VPS13C: variants seen among roughly 807,000 people sequenced by gnomAD.
VPS13C encodes vacuolar protein sorting 13 homolog C.
VPS13C carries 358 observed loss-of-function variants against 456.8 expected under a neutral mutation model. The ratio of observed to expected loss-of-function variants is 0.78; its 90% CI spans 0.72 to 0.86. The LOEUF is 0.86. VPS13C is among the 40% of genes least tolerant of loss of function. VPS13C has a pLI of 0.00. For missense variants in VPS13C, 4,818 were observed against 4,385.4 expected, an observed-to-expected ratio of 1.10 and a Z score of -2.79; for synonymous variants, 1,578 against 1,486.7, an observed-to-expected ratio of 1.06 and a Z score of -1.41.
Position 61,942,045 on chromosome 15 carries a change from G to A in VPS13C, c.5171C>T (p.Thr1724Ile), listed in dbSNP as rs189475659. 4.8e-5 allele frequency: 76 copies of A among 1,583,246 alleles called. No individual in the cohort carries two copies. In the Admixed American group the frequency reaches 9.0e-4, roughly 19 times the overall value. ...GGCTGTACTCAAAGCTTCTTTAGCA[G>A]TTTGGAAATTGTTGAGGAAGTTCTG... ...SLLNFLNNFQ[T>I]AKEALSTATV... is the part of the protein sequence containing the mutation. Residue 1724 changes from threonine (T) to isoleucine (I), a missense_variant, in exon 46 of 85, where the codon ACT becomes ATT. This residue lies in a region of VPS13C where 4,552 missense variants were observed against 4,130.6 expected (regional missense o/e 1.10). Transcript: ENST00000644861.
At position 61,909,097 on chromosome 15, in the gene VPS13C, G is replaced by C; in HGVS notation, c.8873C>G (p.Thr2958Ser). 1 of 1,613,560 alleles carries C rather than the reference G, an allele frequency of 6.2e-7. No homozygotes were observed. Among genetic ancestry groups the C allele is most frequent in the South Asian group, 1.1e-5 (1 of 91,058 alleles). ...LNGGILVDVN[T>S]AEHSTVITFS... ...AGTTATGACAGTTGAATGTTCGGCA[G>C]TGTTTACATCCACCAAGATACCCCC... The change falls in exon 65 of 85, where the codon ACT becomes AGT. Residue 2958 changes from threonine (T) to serine (S), a missense_variant. This residue lies in a region of VPS13C where 4,552 missense variants were observed against 4,130.6 expected (regional missense o/e 1.10). Coordinates refer to ENST00000644861, the MANE Select transcript of VPS13C (RefSeq NM_020821.3).
Position 61,969,351 on chromosome 15 carries a change from T to G in VPS13C, c.2859A>C (p.Leu953Phe). The G allele has an allele frequency of 6.2e-7, 1 of 1,605,030 alleles. No homozygotes were observed. The highest frequency in any genetic ancestry group is 2.2e-5 in the East Asian group (1 of 44,488). Residue 953 changes from leucine to phenylalanine, a missense_variant, in exon 28 of 85, where the codon TTA (leucine) becomes TTC (phenylalanine). Physicochemically the swap from Leu to Phe is conservative, Grantham distance 22. Transcript: ENST00000644861. ...TTTTCTTTAAATAAGATACCACAGT[T>G]AAGTCAAATGTTCTCATTGTGGCCT... is the stretch of plus-strand genomic sequence containing the variant. ...GTEATMRTFDLTVVSYLKKIS... is the reference protein window; with the variant it reads ...GTEATMRTFDFTVVSYLKKIS...
At chr15:61,991,435 T>A (rs1246817961) in intron 17 of VPS13C, among the ~76,000 whole-genome samples, 1 of 152,188 alleles carries the variant, frequency 6.6e-6, no homozygotes, top group Non-Finnish European at 1.5e-5. Flanking sequence ...AATTTAAACA[T>A]TTTAAATTTG....
At chr15:62,056,719 C>T (rs978603226) in intron 1 of VPS13C, among the ~76,000 whole-genome samples, 3 of 151,896 alleles carry the variant, frequency 2.0e-5, no homozygotes, top group Admixed American at 6.5e-5. Context: ...GCTCCTAGTC[C>T]GCCTTCATGT....
chr15:61,867,062 T>G lies in VPS13C; in HGVS notation c.10863+1597A>C. The G allele has an allele frequency of 3.2e-6, 3 of 923,680 alleles. No homozygotes were observed. Among genetic ancestry groups the G allele is most frequent in the Non-Finnish European group, 3.9e-6 (3 of 773,508 alleles). 57.2% of individuals were successfully genotyped at this position (923,680 alleles called of 1,614,324 possible). Reference sequence around the variant, plus strand: ...CAAAAATAATGATTATAATTATTTTTTCTCTAAGATAATAAACCCTCTCTA... The same window carrying G: ...CAAAAATAATGATTATAATTATTTTGTCTCTAAGATAATAAACCCTCTCTA... On this transcript the variant is annotated intron_variant, in intron 81 of 84. Coordinates refer to ENST00000644861, the MANE Select transcript of VPS13C (RefSeq NM_020821.3). The surrounding 1 kb of genome is among the most constrained non-coding windows in gnomAD (Gnocchi z 5.0).
Position 62,060,383 on chromosome 15 carries a change from T to G in VPS13C, c.-9A>C. 1 of 1,534,040 alleles carries G rather than the reference T, an allele frequency of 6.5e-7. No homozygotes were observed. Among genetic ancestry groups the G allele is most frequent in the Non-Finnish European group, 8.9e-7 (1 of 1,124,282 alleles). The stretch of plus-strand genomic sequence containing the variant: ...ACCGACTCCAGCACCATGGTGGCGC[T>G]GAGGCACAAGGAGAGGGAGGAGCCG... On this transcript the variant is annotated 5_prime_UTR_variant, in exon 1 of 85. Coordinates refer to ENST00000644861, the MANE Select transcript of VPS13C (RefSeq NM_020821.3).
intron 31 of VPS13C, 84 bp downstream of exon 31, chr15:61,964,615 A>T: frequency 7.8e-7 from 1 of 1,282,026 alleles, no homozygotes. Context: ...TAAATGACTG[A>T]GTCAGATAGT....
intron 65 of VPS13C, among the ~76,000 whole-genome samples, chr15:61,908,118 AG>A (rs2140137717): frequency 6.6e-6 from 1 of 152,320 alleles, no homozygotes; most frequent in South Asian, 2.1e-4. Flanking sequence ...CAAGACTCCC[AG>A]GAGATTTTAA....
At chr15:62,055,666 G>A (rs1213239112) in intron 1 of VPS13C, among the ~76,000 whole-genome samples, 1 of 152,022 alleles carries the variant, frequency 6.6e-6, no homozygotes, top group Non-Finnish European at 1.5e-5. Context: ...TACTTCCAAA[G>A]ATCATCCAAG....
At chr15:61,866,456 G>A in intron 81 of VPS13C, 1 of 984,370 alleles carries the variant, frequency 1.0e-6, no homozygotes, top group Non-Finnish European at 1.2e-6. Flanking sequence ...TTAAGTTACA[G>A]GGGTTCTTAA....
In VPS13C at chr15:61,951,906, T is replaced by C; in HGVS notation, c.4374A>G (p.Gly1458=). 6.2e-7 allele frequency: 1 copy of C among 1,613,884 alleles called. No individual in the cohort carries two copies. Among genetic ancestry groups the C allele is most frequent in the Non-Finnish European group, 8.5e-7 (1 of 1,179,888 alleles). Residue 1458 remains glycine, a synonymous_variant, in exon 39 of 85, where the codon GGA becomes GGG. Coordinates refer to ENST00000644861, the MANE Select transcript of VPS13C (RefSeq NM_020821.3). The part of the protein sequence containing the change: ...PLHELNVLQL[G]MEAKVKTYDM... ...CATAGGTTTTAACTTTAGCTTCCAT[T>C]CCAAGTTGCAGGACATTTAGCTCAT...
chr15:61,878,656 A>G lies in VPS13C; in HGVS notation c.10093T>C (p.Leu3365=), dbSNP rs116107707. The G allele has an allele frequency of 5.6e-6, 9 of 1,611,782 alleles. No individual in the cohort carries two copies. The African/African-American group carries it at 1.2e-4, about 22-fold the overall frequency. Residue 3365 remains leucine (L), a synonymous_variant, in exon 74 of 85, where the codon TTG becomes CTG. Coordinates refer to ENST00000644861, the MANE Select transcript of VPS13C (RefSeq NM_020821.3). ...GTCAGAGTAGCACCTATGCTTTTCA[A>G]CAGCAAGTTGACAGAATGAACTGCA... is the stretch of plus-strand genomic sequence containing the variant. The part of the protein sequence containing the change: ...MFAVHSVNLL[L]KSIGATLTDV...
At chr15:61,990,207 A>G (rs2046181394) in intron 18 of VPS13C, among the ~76,000 whole-genome samples, 1 of 152,174 alleles carries the variant, frequency 6.6e-6, no homozygotes, top group African/African-American at 2.4e-5. Flanking sequence ...TAAAAAACAA[A>G]AAGAAATAAA....
intron 47 of VPS13C, among the ~76,000 whole-genome samples, chr15:61,938,292 G>GTTTCA (rs573097832): frequency 3.9e-4 from 59 of 151,858 alleles, no homozygotes; most frequent in African/African-American, 1.3e-3. Flanking sequence ...CAAGTATGAA[G>GTTTCA]GACAATTTTG....
At chr15:62,045,554 G>A (rs2140739973) in intron 1 of VPS13C, among the ~76,000 whole-genome samples, 1 of 152,170 alleles carries the variant, frequency 6.6e-6, no homozygotes, top group Middle Eastern at 3.4e-3. Context: ...AACAAAATAA[G>A]GTCAGAAAGG....
At chr15:62,043,940 T>C (rs2048321031) in intron 2 of VPS13C, among the ~76,000 whole-genome samples, 1 of 152,172 alleles carries the variant, frequency 6.6e-6, no homozygotes, top group Non-Finnish European at 1.5e-5. Context: ...AAGGAAAATA[T>C]TGCTATAAGG....
At chr15:62,035,415 G>C (rs2047959439) in intron 3 of VPS13C, among the ~76,000 whole-genome samples, 2 of 151,946 alleles carry the variant, frequency 1.3e-5, no homozygotes, top group African/African-American at 4.8e-5. Context: ...GAGTTAAGCA[G>C]TGACCAGATT....
chr15:61,952,249 G>T (rs1156839135), intron 38 of VPS13C, among the ~76,000 whole-genome samples: 1 of 152,094 alleles, frequency 6.6e-6, no homozygotes, highest in Non-Finnish European at 1.5e-5. Flanking sequence ...TTAACATTTT[G>T]AGCTGGTAAT....
chr15:61,936,771 G>A, intron 47 of VPS13C, 21 bp from the exon 48 acceptor site: 3 of 1,585,458 alleles, frequency 1.9e-6, no homozygotes, highest in South Asian at 1.2e-5. Flanking sequence ...CCAATAATTT[G>A]TTAACTCTAA....
Sources: allele counts gnomAD v4.1 joint callset (sites outside exome capture counted in the v4.1 genomes callset), GRCh38; gene constraint gnomAD v4.1.1; regional missense constraint gnomAD v4.1.1; non-coding constraint Gnocchi (gnomAD v3.1); transcripts MANE v1.5; gene names NCBI Gene and HGNC (gene_info 2026-07-23, HGNC 2026-07-21).